PLPP2: variants seen among roughly 807,000 people sequenced by gnomAD.
PLPP2 encodes phospholipid phosphatase 2, also known as PAP2-gamma.
A neutral mutation model predicts 35.2 loss-of-function variants in PLPP2; 29 were observed. That is an observed-to-expected ratio of 0.82 (90% CI 0.61 to 1.12). The LOEUF is 1.12. PLPP2 is among the 50% of genes most tolerant of loss of function. The pLI is 0.00. For synonymous variants in PLPP2, 162 were observed against 167.0 expected (o/e 0.97, Z 0.23); for missense variants, 353 against 375.2 (o/e 0.94, Z 0.49).
In PLPP2 at chr19:287,368, C is replaced by T. The variant is rs1438853731; in HGVS notation, c.482+106G>A. On this transcript the variant is annotated intron_variant, in intron 3 of 5. Transcript: ENST00000434325. The surrounding 1 kb of genome is among the most constrained non-coding windows in gnomAD (Gnocchi z 4.3). The stretch of plus-strand genomic sequence containing the variant: ...TACAAAAATTAGCCGGGCGTGGTGG[C>T]GCACGCCTGTAGTCTCAGCTGCCTG... The T allele has an allele frequency of 2.8e-6, 4 of 1,410,110 alleles. No individual in the cohort carries two copies. Among genetic ancestry groups the T allele is most frequent in the East Asian group, 2.3e-5 (1 of 43,372 alleles). The allele number at this position is 1,410,110 out of a possible 1,614,324, so 87.3% of individuals were successfully genotyped here. A position where few individuals can be genotyped will look rare whatever the true frequency, so the allele number is the denominator to read the frequency against.
intron 1 of PLPP2, 159 bp from the exon 2 acceptor site, chr19:288,330 C>T: frequency 1.9e-6 from 1 of 514,350 alleles, no homozygotes; most frequent in Non-Finnish European, 3.0e-6. Flanking sequence ...CCTTTCGCAT[C>T]CCCTCAGACA....
Position 281,264 on chromosome 19 carries a change from T to C in PLPP2, c.*124A>G. On this transcript the variant is annotated 3_prime_UTR_variant, in exon 6 of 6. Transcript: ENST00000434325. The stretch of plus-strand genomic sequence containing the variant: ...GGGGGCAGCGGAGCCCGCTCACTGC[T>C]CCCATCAGCCCAGGGTTCCTGGAGC... 1.0e-6 allele frequency: 1 copy of C among 978,346 alleles called. No homozygotes were observed. The highest frequency in any genetic ancestry group is 1.3e-6 in the Non-Finnish European group (1 of 745,332). The allele number at this position is 978,346 out of a possible 1,614,324, so 60.6% of individuals were successfully genotyped here.
intron 1 of PLPP2, chr19:288,537 C>A (rs995890060): frequency 1.2e-5 from 2 of 161,298 alleles, no homozygotes; most frequent in Admixed American, 6.0e-5. Context: ...CTGGAGCGAT[C>A]CTCCAGCATC....
intron 1 of PLPP2, chr19:291,025 G>A (rs1336722982): frequency 7.8e-7 from 1 of 1,279,224 alleles, no homozygotes; most frequent in East Asian, 3.2e-5. Context: ...GCCGGGGCGG[G>A]GGATGCTGGC....
intron 1 of PLPP2, 194 bp downstream of exon 1, chr19:291,091 C>A: frequency 7.5e-7 from 1 of 1,336,504 alleles, no homozygotes; most frequent in Non-Finnish European, 9.6e-7. Context: ...GACGCGGGGA[C>A]CCCCGAGCCT....
At chr19:282,642 C>G (rs975532291) in intron 4 of PLPP2, 110 bp downstream of exon 4, 2 of 1,191,746 alleles carry the variant, frequency 1.7e-6, no homozygotes, top group South Asian at 2.7e-5. Context: ...AGTTAGCCCC[C>G]CTCACCACCA....
chr19:290,766 AGCCAGCAGGGCG>A lies in PLPP2; in HGVS notation c.52+507_52+518del, dbSNP rs533456967. On this transcript the variant is annotated intron_variant, in intron 1 of 5. Coordinates refer to ENST00000434325, the MANE Select transcript of PLPP2 (RefSeq NM_003712.4). The stretch of plus-strand genomic sequence containing the variant: ...TCATCCCCAGTGTCTCCCCCGCCCG[AGCCAGCAGGGCG>A]GCTGGGCCTCCCCGCACGTGCACGG... Among the ~76,000 whole-genome samples, 157 of 152,108 alleles carry A rather than the reference AGCCAGCAGGGCG, an allele frequency of 1.0e-3. 1 individual carries two copies. The highest frequency in any genetic ancestry group is 3.6e-3 in the African/African-American group (150 of 41,530).
chr19:287,481 C>T lies in PLPP2; in HGVS notation c.475G>A (p.Glu159Lys), dbSNP rs753460173. The change falls in exon 3 of 6, where the codon GAG (glutamate) becomes AAG (lysine). Residue 159 changes from glutamate (E) to lysine (K), a missense_variant. Physicochemically the swap from Glu to Lys is moderately conservative, Grantham distance 56 (BLOSUM62 1). Transcript: ENST00000434325. This position sits in a 1 kb window ranked among gnomAD's most constrained non-coding sequence, Gnocchi z 4.3. Reference sequence around the variant, plus strand: ...CTGCTGGTCCACACCCACCTGGCCTCGGTGACATCAGCAGGGTTTCCCCTG... The same window carrying T: ...CTGCTGGTCCACACCCACCTGGCCTTGGTGACATCAGCAGGGTTTCCCCTG... ...VCRGNPADVTEARLSFYSGHS... is the reference protein window; with the variant it reads ...VCRGNPADVTKARLSFYSGHS... 9.3e-6 allele frequency: 15 copies of T among 1,607,690 alleles called. No individual in the cohort carries two copies. The highest frequency in any genetic ancestry group is 5.3e-5 in the African/African-American group (4 of 74,862).
intron 3 of PLPP2, chr19:283,025 T>A: frequency 1.8e-6 from 1 of 568,012 alleles, no homozygotes; most frequent in Admixed American, 3.2e-5. Context: ...GCCTCATCCG[T>A]GAAGACTCTG....
At chr19:283,074 G>A (rs1568200800) in intron 3 of PLPP2, 4 of 436,746 alleles carry the variant, frequency 9.2e-6, no homozygotes, top group East Asian at 7.4e-5. Flanking sequence ...AATCATGTCT[G>A]GCAAGCAGGC....
chr19:282,107 G>C (rs1415302243), intron 5 of PLPP2, 27 bp downstream of exon 5: 8 of 1,611,364 alleles, frequency 5.0e-6, no homozygotes, highest in Non-Finnish European at 6.8e-6. Context: ...GACAACACAG[G>C]GGATAGAGTT....
At chr19:286,558 C>T (rs1970274220) in intron 3 of PLPP2, 1 of 152,010 alleles carries the variant, frequency 6.6e-6, no homozygotes, top group African/African-American at 2.4e-5. Flanking sequence ...CCTTCCTTAT[C>T]AGTAATTACA....
At position 281,168 on chromosome 19, in the gene PLPP2, C is replaced by T. The variant is rs545927940; in HGVS notation, c.*220G>A. The T allele has an allele frequency of 1.9e-4, 76 of 403,400 alleles. No homozygotes were observed. The highest frequency in any genetic ancestry group is 1.3e-3 in the Middle Eastern group (2 of 1,596). The allele number at this position is 403,400 out of a possible 1,614,324, so 25.0% of individuals were successfully genotyped here. A position where few individuals can be genotyped will look rare whatever the true frequency, so the allele number is the denominator to read the frequency against. ...AAAGAAGGGGATATTTGGGGACCGA[C>T]GGGAACAGGTTCCCCTCCAAATGCT... On this transcript the variant is annotated 3_prime_UTR_variant, in exon 6 of 6. Coordinates refer to ENST00000434325, the MANE Select transcript of PLPP2 (RefSeq NM_003712.4).
rs144970415 is a variant in PLPP2 at position 289,006 on chromosome 19, CGTG to C, written c.53-838_53-836del. On this transcript the variant is annotated intron_variant, in intron 1 of 5. Coordinates refer to ENST00000434325, the MANE Select transcript of PLPP2 (RefSeq NM_003712.4). The stretch of plus-strand genomic sequence containing the variant: ...CACTTGCCCCTTCATCGACCAGCCA[CGTG>C]GTGACCAGGACAGACCCAGCCCTGG... Among the ~76,000 whole-genome samples, 240 of 152,332 alleles carry C rather than the reference CGTG, an allele frequency of 1.6e-3. 5 individuals are homozygous for C. The East Asian group carries it at 0.035, about 22-fold the overall frequency.
chr19:286,361 T>C (rs1970271924), intron 3 of PLPP2: 1 of 151,472 alleles, frequency 6.6e-6, no homozygotes, highest in Admixed American at 6.6e-5. Flanking sequence ...TAGTACCAGC[T>C]ACTTGGAAGG....
At chr19:289,154 C>T (rs142017203) in intron 1 of PLPP2, among the ~76,000 whole-genome samples, 56 of 152,248 alleles carry the variant, frequency 3.7e-4, no homozygotes, top group Middle Eastern at 3.4e-3. Context: ...CTACGGAGAA[C>T]GGGGCAGAGG....
intron 1 of PLPP2, among the ~76,000 whole-genome samples, chr19:290,585 A>G (rs997619019): frequency 1.3e-5 from 2 of 152,152 alleles, no homozygotes; most frequent in Non-Finnish European, 2.9e-5. Context: ...GCAGCCACAG[A>G]GCAAACACTC....
At position 287,080 on chromosome 19, in the gene PLPP2, A is replaced by G. The variant is rs1017011656; in HGVS notation, c.482+394T>C. On this transcript the variant is annotated intron_variant, in intron 3 of 5. Coordinates refer to ENST00000434325, the MANE Select transcript of PLPP2 (RefSeq NM_003712.4). This position sits in a 1 kb window ranked among gnomAD's most constrained non-coding sequence, Gnocchi z 4.3. ...TTGAAAGTCCAAGAATGGAAAAAAA[A>G]AATATTCCATGCAAACAATAACAAA... 5 of 179,380 alleles carry G rather than the reference A, an allele frequency of 2.8e-5. 1 individual carries two copies. Among genetic ancestry groups the G allele is most frequent in the Admixed American group, 2.7e-4 (5 of 18,264 alleles). The allele number at this position is 179,380 out of a possible 1,614,324, so 11.1% of individuals were successfully genotyped here. A position where few individuals can be genotyped will look rare whatever the true frequency, so the allele number is the denominator to read the frequency against.
rs756103201 is a variant in PLPP2 at position 288,029 on chromosome 19, G to A, written c.195C>T (p.Thr65=). The change falls in exon 2 of 6, where the codon ACC becomes ACT. Residue 65 remains threonine (T), a synonymous_variant. Coordinates refer to ENST00000434325, the MANE Select transcript of PLPP2 (RefSeq NM_003712.4). The stretch of plus-strand genomic sequence containing the variant: ...GCCCCTCCTGCCTTACAAGGATGAC[G>A]GTGGCCGTGATGGTGACCCCAGCCA... The part of the protein sequence containing the change: ...GLMAGVTITA[T]VILVSAGEAY... 18 of 1,612,040 alleles carry A rather than the reference G, an allele frequency of 1.1e-5. No individual in the cohort carries two copies. In the East Asian group the frequency reaches 1.8e-4, roughly 16 times the overall value.
Sources: allele counts gnomAD v4.1 joint callset (sites outside exome capture counted in the v4.1 genomes callset), GRCh38; gene constraint gnomAD v4.1.1; non-coding constraint Gnocchi (gnomAD v3.1); transcripts MANE v1.5; gene names NCBI Gene and HGNC (gene_info 2026-07-23, HGNC 2026-07-21).